The following KIAA1328 variants were observed in gnomAD, a reference collection of about 807,000 sequenced individuals.
KIAA1328 encodes KIAA1328.
In KIAA1328, 52 loss-of-function variants were observed where a neutral mutation model predicts 68.1. That is an observed-to-expected ratio of 0.76 (90% CI 0.61 to 0.96). The LOEUF (loss-of-function observed/expected upper bound fraction) is 0.96. Among genes scored for constraint, KIAA1328 ranks in the 40% least tolerant of loss-of-function variants. KIAA1328 has a pLI of 0.00. For missense variants in KIAA1328, 641 were observed against 677.6 expected, an observed-to-expected ratio of 0.95 and a Z score of 0.60; for synonymous variants, 232 against 239.4, an observed-to-expected ratio of 0.97 and a Z score of 0.28.
At chr18:36,843,667 G>A (rs187406941) in intron 3 of KIAA1328, among the ~76,000 whole-genome samples, 94 of 152,210 alleles carry the variant, frequency 6.2e-4, no homozygotes, top group Non-Finnish European at 1.2e-3. Context: ...ACTTAATAGC[G>A]TTGTTGTGCA....
At chr18:36,833,421 A>T (rs970212194) in intron 1 of KIAA1328, 2 of 152,238 alleles carry the variant, frequency 1.3e-5, no homozygotes, top group African/African-American at 4.8e-5. Flanking sequence ...AACAATTATA[A>T]GAAAGCCAGG....
intron 7 of KIAA1328, among the ~76,000 whole-genome samples, chr18:37,138,659 C>T (rs1255164948): frequency 6.6e-6 from 1 of 152,086 alleles, no homozygotes; most frequent in African/African-American, 2.4e-5. Context: ...TGCAAGCTTC[C>T]TGTTTTTGTT....
Position 36,835,295 on chromosome 18 carries a change from T to C in KIAA1328, c.156T>C (p.Val52=). ...RHKLMSPKAD[V]KLKTSRVTDA... ...AGCTGATGAGTCCAAAAGCTGATGT[T>C]AAACTTAAGACTTCCAGGGTGACTG... Residue 52 remains valine, a synonymous_variant, in exon 3 of 10, where the codon GTT becomes GTC. Transcript: ENST00000280020. The C allele has an allele frequency of 6.2e-7, 1 of 1,613,806 alleles. No individual in the cohort carries two copies. Among genetic ancestry groups the C allele is most frequent in the African/African-American group, 1.3e-5 (1 of 75,034 alleles).
At chr18:36,948,851 T>C (rs1384783887) in intron 5 of KIAA1328, among the ~76,000 whole-genome samples, 1 of 152,198 alleles carries the variant, frequency 6.6e-6, no homozygotes, top group Non-Finnish European at 1.5e-5. Flanking sequence ...GACATGACTT[T>C]TTTTAAAGAG....
At chr18:37,071,699 A>G (rs1309321769) in intron 7 of KIAA1328, among the ~76,000 whole-genome samples, 1 of 152,180 alleles carries the variant, frequency 6.6e-6, no homozygotes, top group Non-Finnish European at 1.5e-5. Context: ...TGAGGATACC[A>G]AGGAACCACT....
intron 9 of KIAA1328, among the ~76,000 whole-genome samples, chr18:37,201,917 A>G (rs2060121910): frequency 6.6e-6 from 1 of 152,204 alleles, no homozygotes. Flanking sequence ...TTGGCTTTCT[A>G]AAAGCAACCT....
rs2060586098 is a variant in KIAA1328 at position 37,222,718 on chromosome 18, G to A, written c.*491G>A. On this transcript the variant is annotated 3_prime_UTR_variant, in exon 10 of 10. Coordinates refer to ENST00000280020, the MANE Select transcript of KIAA1328 (RefSeq NM_020776.3). Reference sequence around the variant, plus strand: ...CTCTCACTACTACATTTCTGTAAGTGGTCCTTTAATTCTGAAGTTGGAGTT... The same window carrying A: ...CTCTCACTACTACATTTCTGTAAGTAGTCCTTTAATTCTGAAGTTGGAGTT... 1.0e-6 allele frequency: 1 copy of A among 993,598 alleles called. No individual in the cohort carries two copies. Among genetic ancestry groups the A allele is most frequent in the Admixed American group, 5.7e-5 (1 of 17,432 alleles). The allele number at this position is 993,598 out of a possible 1,614,324, so 61.5% of individuals were successfully genotyped here.
chr18:37,182,541 A>G (rs1294927504), intron 9 of KIAA1328, among the ~76,000 whole-genome samples: 1 of 152,146 alleles, frequency 6.6e-6, no homozygotes, highest in Non-Finnish European at 1.5e-5. Flanking sequence ...TAAGTGCTCC[A>G]TAAATAGTAG....
At chr18:36,926,383 CTATTTATTTATTTATT>C (rs72299711) in intron 5 of KIAA1328, among the ~76,000 whole-genome samples, 106 of 147,134 alleles carry the variant, frequency 7.2e-4, no homozygotes, top group African/African-American at 2.2e-3. Context: ...CTCTCTCTCT[CTATTTATTTATTTATT>C]TATTTATTTA....
rs35780871 is a variant in KIAA1328 at position 37,069,260 on chromosome 18, G to GTTT, written c.1232+1730_1232+1732dup. On this transcript the variant is annotated intron_variant, in intron 7 of 9. Transcript: ENST00000280020. ...TATTTTGTTGAGGATATTTGCATCAGTTTTTTTTTTTTTTTTTGAGACAGA... is the reference window on the plus strand; with the variant it reads ...TATTTTGTTGAGGATATTTGCATCAGTTTTTTTTTTTTTTTTTTTTGAGACAGA... Among the ~76,000 whole-genome samples the GTTT allele has an allele frequency of 5.7e-3, 756 of 133,648 alleles. 13 individuals are homozygous for GTTT. The highest frequency in any genetic ancestry group is 0.02 in the African/African-American group (723 of 36,308). 87.7% of individuals were successfully genotyped at this position (133,648 alleles called of 152,430 possible).
chr18:36,891,054 T>G (rs2048669190), intron 5 of KIAA1328, among the ~76,000 whole-genome samples: 1 of 152,242 alleles, frequency 6.6e-6, no homozygotes, highest in African/African-American at 2.4e-5. Context: ...TCCAATTACA[T>G]TCGAAAATTA....
intron 7 of KIAA1328, among the ~76,000 whole-genome samples, chr18:37,080,546 G>T (rs1702808193): frequency 6.6e-6 from 1 of 152,076 alleles, no homozygotes; most frequent in Admixed American, 6.6e-5. Flanking sequence ...GGAGGCCGAG[G>T]CGGGTGGATC....
At chr18:37,050,219 G>A (rs769156286) in intron 6 of KIAA1328, among the ~76,000 whole-genome samples, 2 of 151,000 alleles carry the variant, frequency 1.3e-5, no homozygotes, top group Non-Finnish European at 2.9e-5. Context: ...CAAGAGGGTG[G>A]CACCAAAAAA....
intron 7 of KIAA1328, among the ~76,000 whole-genome samples, chr18:37,077,491 G>A (rs1331647175): frequency 9.3e-5 from 14 of 150,090 alleles, no homozygotes; most frequent in Non-Finnish European, 3.0e-5. Flanking sequence ...AGGGCAATTA[G>A]GCAGGAGAAG....
At chr18:37,100,554 C>G (rs995818094) in intron 7 of KIAA1328, among the ~76,000 whole-genome samples, 3 of 152,206 alleles carry the variant, frequency 2.0e-5, no homozygotes, top group African/African-American at 7.2e-5. Flanking sequence ...CACCGCAGCT[C>G]AAGAAGACCC....
intron 4 of KIAA1328, among the ~76,000 whole-genome samples, chr18:36,873,305 A>G (rs1344171385): frequency 6.6e-6 from 1 of 152,226 alleles, no homozygotes; most frequent in Non-Finnish European, 1.5e-5. Flanking sequence ...TCTACACATT[A>G]TTAAACATGA....
chr18:37,158,100 A>G (rs1445073374), intron 7 of KIAA1328, among the ~76,000 whole-genome samples: 2 of 151,326 alleles, frequency 1.3e-5, no homozygotes, highest in Non-Finnish European at 2.9e-5. Flanking sequence ...TGGCATGGTC[A>G]TATCTCACTA....
chr18:37,165,732 C>A (rs2059376453), intron 8 of KIAA1328, among the ~76,000 whole-genome samples: 1 of 151,742 alleles, frequency 6.6e-6, no homozygotes, highest in African/African-American at 2.4e-5. Context: ...GCTGGGACTA[C>A]AGGCGCTCAC....
intron 4 of KIAA1328, among the ~76,000 whole-genome samples, chr18:36,875,758 G>C (rs2048100624): frequency 6.6e-6 from 1 of 152,174 alleles, no homozygotes; most frequent in Non-Finnish European, 1.5e-5. Context: ...TTTTCAAAGG[G>C]AATGCTTCCA....
Sources: gnomAD v4.1 joint callset for allele counts (sites outside exome capture counted in the v4.1 genomes callset) on GRCh38, gnomAD v4.1.1 for gene constraint, MANE v1.5 for transcripts, NCBI Gene and HGNC (gene_info 2026-07-23, HGNC 2026-07-21) for gene names.